KCNMB2: variants seen among roughly 807,000 people sequenced by gnomAD.
The protein encoded by KCNMB2 is calcium-activated potassium channel subunit beta-2.
In KCNMB2, 9 loss-of-function variants were observed where a neutral mutation model predicts 24.5. The ratio of observed to expected loss-of-function variants is 0.37; its 90% CI spans 0.22 to 0.64. The LOEUF (loss-of-function observed/expected upper bound fraction) is 0.64, where lower values mean the gene tolerates loss of function less well. Among genes scored for constraint, KCNMB2 ranks in the 30% least tolerant of loss-of-function variants. The pLI, the probability that KCNMB2 is intolerant of heterozygous loss-of-function variation, is 0.63. For missense variants in KCNMB2, 226 were observed against 284.3 expected (o/e 0.79, Z 1.47); for synonymous variants, 109 against 104.4 (o/e 1.04, Z -0.27).
chr3:178,815,092 G>A (rs1473785927), intron 2 of KCNMB2, among the ~76,000 whole-genome samples: 3 of 151,758 alleles, frequency 2.0e-5, no homozygotes, highest in Non-Finnish European at 2.9e-5. Flanking sequence ...ATTGACTATT[G>A]CATATCACTT....
At chr3:178,647,324 T>C (rs917387466) in intron 1 of KCNMB2, among the ~76,000 whole-genome samples, 5 of 152,230 alleles carry the variant, frequency 3.3e-5, no homozygotes, top group Admixed American at 1.3e-4. Flanking sequence ...CTTTTTTCCA[T>C]ATTTCTCTTT....
intron 1 of KCNMB2, among the ~76,000 whole-genome samples, chr3:178,800,704 T>G (rs982561661): frequency 6.6e-6 from 1 of 152,190 alleles, no homozygotes; most frequent in African/African-American, 2.4e-5. Flanking sequence ...CAATTCAGTA[T>G]GTCAAAGACA....
At chr3:178,597,711 C>A (rs1447165912) in intron 1 of KCNMB2, among the ~76,000 whole-genome samples, 1 of 152,114 alleles carries the variant, frequency 6.6e-6, no homozygotes, top group African/African-American at 2.4e-5. Context: ...TCAGTAATTT[C>A]ACACAAATAT....
chr3:178,672,706 T>C (rs1720944585), intron 1 of KCNMB2, among the ~76,000 whole-genome samples: 1 of 152,208 alleles, frequency 6.6e-6, no homozygotes, highest in African/African-American at 2.4e-5. Flanking sequence ...TGGTACATCC[T>C]AAGCTAATGT....
rs1328318298 is a variant in KCNMB2, at chr3:178,697,295, G to A, written c.-67-110048G>A. 2.0e-5 allele frequency among the ~76,000 whole-genome samples: 3 copies of A among 152,060 alleles called. No homozygotes were observed. The South Asian group carries it at 6.2e-4, about 32-fold the overall frequency. On this transcript the variant is annotated intron_variant, in intron 1 of 4. Coordinates refer to ENST00000452583, the MANE Select transcript of KCNMB2 (RefSeq NM_181361.3). ...TATGAATCTGAGTGCTCCTGTGTTG[G>A]GTACATATATATTTAGGATAGTTAG...
intron 1 of KCNMB2, among the ~76,000 whole-genome samples, chr3:178,789,061 C>T (rs1268826355): frequency 2.0e-5 from 3 of 152,164 alleles, no homozygotes; most frequent in Non-Finnish European, 4.4e-5. Flanking sequence ...GTTTTGTCTG[C>T]AGTTTACCAT....
intron 1 of KCNMB2, among the ~76,000 whole-genome samples, chr3:178,806,655 G>A (rs1312977512): frequency 1.3e-5 from 2 of 150,680 alleles, no homozygotes; most frequent in Non-Finnish European, 2.9e-5. Context: ...TGTGCTTAGA[G>A]AGGAAAGAAC....
intron 1 of KCNMB2, among the ~76,000 whole-genome samples, chr3:178,656,736 C>T (rs1720357918): frequency 6.6e-6 from 1 of 152,056 alleles, no homozygotes; most frequent in East Asian, 1.9e-4. Flanking sequence ...CGCGCCACTG[C>T]CCTACAGTCT....
At chr3:178,832,057 G>A (rs1229161852) in intron 4 of KCNMB2, among the ~76,000 whole-genome samples, 1 of 151,844 alleles carries the variant, frequency 6.6e-6, no homozygotes, top group Non-Finnish European at 1.5e-5. Context: ...TAATTTACAT[G>A]GATCCACATT....
chr3:178,625,948 T>G (rs1003062308), intron 1 of KCNMB2, among the ~76,000 whole-genome samples: 3 of 152,202 alleles, frequency 2.0e-5, no homozygotes, highest in African/African-American at 7.2e-5. Context: ...GACATTCCCC[T>G]GTCTCATTTA....
At chr3:178,645,455 G>A (rs923626228) in intron 1 of KCNMB2, among the ~76,000 whole-genome samples, 1 of 152,106 alleles carries the variant, frequency 6.6e-6, no homozygotes, top group African/African-American at 2.4e-5. Flanking sequence ...TTCTTTGGCA[G>A]GGGAAATAAA....
intron 1 of KCNMB2, among the ~76,000 whole-genome samples, chr3:178,677,041 C>T (rs1265597994): frequency 1.3e-5 from 2 of 152,034 alleles, no homozygotes; most frequent in Admixed American, 1.3e-4. Context: ...GGGCCCTGCT[C>T]GCCTCACCAC....
At chr3:178,834,879 G>GA (rs1007546763) in intron 4 of KCNMB2, among the ~76,000 whole-genome samples, 1 of 151,950 alleles carries the variant, frequency 6.6e-6, no homozygotes, top group African/African-American at 2.4e-5. Flanking sequence ...GAATGTGCCA[G>GA]AAAGAAGCTG....
At chr3:178,671,770 A>T (rs931411607) in intron 1 of KCNMB2, among the ~76,000 whole-genome samples, 1 of 152,200 alleles carries the variant, frequency 6.6e-6, no homozygotes, top group Non-Finnish European at 1.5e-5. Context: ...TTTCTGAAAC[A>T]GTAGTTTTTG....
At chr3:178,817,598 T>C (rs1262989596) in intron 2 of KCNMB2, among the ~76,000 whole-genome samples, 1 of 152,114 alleles carries the variant, frequency 6.6e-6, no homozygotes, top group Non-Finnish European at 1.5e-5. Context: ...GCCTCATAGG[T>C]ACACCTTCAT....
At chr3:178,650,733 T>C (rs1174664128) in intron 1 of KCNMB2, among the ~76,000 whole-genome samples, 9 of 152,116 alleles carry the variant, frequency 5.9e-5, no homozygotes, top group Non-Finnish European at 1.2e-4. Context: ...CTTTCATCCA[T>C]AGGATGCAAG....
chr3:178,648,888 T>C (rs1720011470), intron 1 of KCNMB2, among the ~76,000 whole-genome samples: 1 of 152,232 alleles, frequency 6.6e-6, no homozygotes, highest in South Asian at 2.1e-4. Context: ...TTTGGTGTGC[T>C]AATATATGTT....
intron 1 of KCNMB2, among the ~76,000 whole-genome samples, chr3:178,668,543 G>T (rs928565724): frequency 6.6e-6 from 1 of 152,058 alleles, no homozygotes; most frequent in Non-Finnish European, 1.5e-5. Context: ...TAGGAAAAAA[G>T]AAATGTCAGG....
At chr3:178,632,492 G>A (rs1194620356) in intron 1 of KCNMB2, among the ~76,000 whole-genome samples, 3 of 152,142 alleles carry the variant, frequency 2.0e-5, no homozygotes, top group Non-Finnish European at 4.4e-5. Flanking sequence ...AAGGAGAAGT[G>A]CTGAGAAAAA....
Sources: allele counts gnomAD v4.1 joint callset (sites outside exome capture counted in the v4.1 genomes callset), GRCh38; gene constraint gnomAD v4.1.1; transcripts MANE v1.5; gene names NCBI Gene and HGNC (gene_info 2026-07-23, HGNC 2026-07-21).